The following PERP variants were observed in gnomAD, a reference collection of about 807,000 sequenced individuals.
The protein encoded by PERP is p53 apoptosis effector related to PMP22.
In PERP, 11 loss-of-function variants were observed where a neutral mutation model predicts 20.3. The observed-to-expected ratio is 0.54, with a 90% CI of 0.34 to 0.90. The LOEUF is 0.90. Ranked by LOEUF, PERP falls within the 40% of genes least tolerant of loss-of-function variation. PERP has a pLI of 0.02. For missense variants in PERP, 224 were observed against 249.4 expected, an observed-to-expected ratio of 0.90 and a Z score of 0.69; for synonymous variants, 101 against 102.0, an observed-to-expected ratio of 0.99 and a Z score of 0.06.
rs116217396 is a variant in PERP, at chr6:138,092,616, C to T, written c.356-348G>A. Among the ~76,000 whole-genome samples, 1,190 of 152,172 alleles carry T rather than the reference C, an allele frequency of 7.8e-3. 24 individuals carry two copies. The highest frequency in any genetic ancestry group is 0.026 in the African/African-American group (1,094 of 41,506). On this transcript the variant is annotated intron_variant, in intron 2 of 2. Coordinates refer to ENST00000421351, the MANE Select transcript of PERP (RefSeq NM_022121.5). ...TAGAAAGCAGGACAGTAAAGAACAA[C>T]CTATTTTTTTCATCTTTGTGTTTCC...
In PERP at chr6:138,091,553, T is replaced by G. The variant is rs561154810; in HGVS notation, c.*489A>C. The G allele has an allele frequency of 2.0e-5, 3 of 153,198 alleles. No individual in the cohort carries two copies. The highest frequency in any genetic ancestry group is 7.2e-5 in the African/African-American group (3 of 41,598). 9.5% of individuals were successfully genotyped at this position (153,198 alleles called of 1,614,324 possible). ...AGGAAATGATTTTGCTTTCCTTAAATAGTTCGAAGGCTTGAAAATAAACTT... is the reference window on the plus strand; with the variant it reads ...AGGAAATGATTTTGCTTTCCTTAAAGAGTTCGAAGGCTTGAAAATAAACTT... On this transcript the variant is annotated 3_prime_UTR_variant, in exon 3 of 3. Transcript: ENST00000421351.
rs1775532934 is a variant in PERP at position 138,088,850 on chromosome 6, C to G, written c.*3192G>C. 6.6e-6 allele frequency: 1 copy of G among 152,120 alleles called. No individual in the cohort carries two copies. The allele number at this position is 152,120 out of a possible 1,614,324, so 9.4% of individuals were successfully genotyped here. A position where few individuals can be genotyped will look rare whatever the true frequency, so the allele number is the denominator to read the frequency against. On this transcript the variant is annotated 3_prime_UTR_variant, in exon 3 of 3. Coordinates refer to ENST00000421351, the MANE Select transcript of PERP (RefSeq NM_022121.5). ...CTGCAGGAATTTTTAAATCTGAAAC[C>G]ACACTACAGAAATTATTTTATATAT...
chr6:138,096,644 T>A, intron 1 of PERP, 150 bp from the exon 2 acceptor site: 1 of 837,238 alleles, frequency 1.2e-6, no homozygotes, highest in Non-Finnish European at 1.8e-6. Context: ...TACTTGAGCA[T>A]CTCCATATTT....
rs1389101953 is a variant in PERP at position 138,091,970 on chromosome 6, G to T, written c.*72C>A. 4 of 1,426,676 alleles carry T rather than the reference G, an allele frequency of 2.8e-6. No individual in the cohort carries two copies. In the South Asian group the frequency reaches 4.0e-5, roughly 14 times the overall value. The allele number at this position is 1,426,676 out of a possible 1,614,324, so 88.4% of individuals were successfully genotyped here. Reference sequence around the variant, plus strand: ...ACTGCCAAAAAATGGGTTCAAAGTCGCCTGGAGAAACAGTTTCTTCTTCTG... The same window carrying T: ...ACTGCCAAAAAATGGGTTCAAAGTCTCCTGGAGAAACAGTTTCTTCTTCTG... On this transcript the variant is annotated 3_prime_UTR_variant, in exon 3 of 3. Coordinates refer to ENST00000421351, the MANE Select transcript of PERP (RefSeq NM_022121.5).
intron 2 of PERP, among the ~76,000 whole-genome samples, chr6:138,094,467 TC>T (rs1468165756): frequency 6.6e-6 from 1 of 152,214 alleles, no homozygotes; most frequent in Non-Finnish European, 1.5e-5. Flanking sequence ...TATCAAAATT[TC>T]ATTCCTTTTT....
chr6:138,098,284 C>G (rs907928506), intron 1 of PERP, among the ~76,000 whole-genome samples: 1 of 152,200 alleles, frequency 6.6e-6, no homozygotes. Context: ...TCACTTAATT[C>G]TAGGTTGTTT....
rs1222082952 is a variant in PERP, at chr6:138,088,759, C to G, written c.*3283G>C. ...CTGTATCCAGGCAAGCCAAGCTCACCTAAAAATGGTCTCAAAAAGCAAAGG... is the reference window on the plus strand; with the variant it reads ...CTGTATCCAGGCAAGCCAAGCTCACGTAAAAATGGTCTCAAAAAGCAAAGG... On this transcript the variant is annotated 3_prime_UTR_variant, in exon 3 of 3. Coordinates refer to ENST00000421351, the MANE Select transcript of PERP (RefSeq NM_022121.5). 2 of 152,176 alleles carry G rather than the reference C, an allele frequency of 1.3e-5. No homozygotes were observed. Among genetic ancestry groups the G allele is most frequent in the Non-Finnish European group, 2.9e-5 (2 of 68,044 alleles). 9.4% of individuals were successfully genotyped at this position (152,176 alleles called of 1,614,324 possible).
At chr6:138,095,550 C>T (rs962387729) in intron 2 of PERP, among the ~76,000 whole-genome samples, 1 of 152,142 alleles carries the variant, frequency 6.6e-6, no homozygotes, top group Non-Finnish European at 1.5e-5. Context: ...CTGCTTTGGT[C>T]CCATAAGCCT....
At chr6:138,102,291 A>C (rs1415243244) in intron 1 of PERP, among the ~76,000 whole-genome samples, 1 of 152,374 alleles carries the variant, frequency 6.6e-6, no homozygotes, top group Non-Finnish European at 1.5e-5. Flanking sequence ...GAAAACAGGA[A>C]AAGTCAATCT....
chr6:138,104,175 G>A (rs985206246), intron 1 of PERP, among the ~76,000 whole-genome samples: 1 of 152,144 alleles, frequency 6.6e-6, no homozygotes, highest in Non-Finnish European at 1.5e-5. Context: ...TGCCAGCGGT[G>A]CAAAACTAGT....
rs1370166107 is a variant in PERP at position 138,089,731 on chromosome 6, A to G, written c.*2311T>C. ...CTTGGTGAATCTGGATCAACAAGGA[A>G]TGGCAGATCTCTATACTAGAACAAG... On this transcript the variant is annotated 3_prime_UTR_variant, in exon 3 of 3. Transcript: ENST00000421351. The G allele has an allele frequency of 1.3e-5, 2 of 152,176 alleles. No homozygotes were observed. Among genetic ancestry groups the G allele is most frequent in the African/African-American group, 4.8e-5 (2 of 41,438 alleles). The allele number at this position is 152,176 out of a possible 1,614,324, so 9.4% of individuals were successfully genotyped here. A position where few individuals can be genotyped will look rare whatever the true frequency, so the allele number is the denominator to read the frequency against.
chr6:138,105,488 C>T (rs1192827559), intron 1 of PERP, among the ~76,000 whole-genome samples: 3 of 152,156 alleles, frequency 2.0e-5, no homozygotes, highest in Non-Finnish European at 2.9e-5. Context: ...GCTCATCCTG[C>T]AAGTCAAGAA....
At chr6:138,096,550 T>C in intron 1 of PERP, 56 bp from the exon 2 acceptor site, 1 of 1,547,630 alleles carries the variant, frequency 6.5e-7, no homozygotes, top group Non-Finnish European at 8.7e-7. Context: ...GTTTAAAAAT[T>C]ACTTATCACA....
At chr6:138,092,607 A>G (rs1043807183) in intron 2 of PERP, among the ~76,000 whole-genome samples, 1 of 152,250 alleles carries the variant, frequency 6.6e-6, no homozygotes, top group African/African-American at 2.4e-5. Context: ...GCAGGACAGT[A>G]AAGAACAACC....
chr6:138,096,396 G>A lies in PERP; in HGVS notation c.313C>T (p.Leu105Phe). The change falls in exon 2 of 3, where the codon CTT (leucine) becomes TTT (phenylalanine). Residue 105 changes from leucine to phenylalanine, a missense_variant. Leu to Phe is a conservative substitution (Grantham distance 22). Coordinates refer to ENST00000421351, the MANE Select transcript of PERP (RefSeq NM_022121.5). ...CCTCCAATCACTCTCAGGAAGACAAGCATCTGGGGTCCACAGAGGGCGAAG... is the reference window on the plus strand; with the variant it reads ...CCTCCAATCACTCTCAGGAAGACAAACATCTGGGGTCCACAGAGGGCGAAG... ...SFFALCGPQM[L>F]VFLRVIGGLL... is the part of the protein sequence containing the mutation. The A allele has an allele frequency of 6.2e-7, 1 of 1,614,092 alleles. No homozygotes were observed.
At chr6:138,100,911 C>G (rs904787889) in intron 1 of PERP, among the ~76,000 whole-genome samples, 1 of 152,168 alleles carries the variant, frequency 6.6e-6, no homozygotes, top group Non-Finnish European at 1.5e-5. Context: ...ATTTAACGAT[C>G]ACCAACAAAA....
intron 1 of PERP, among the ~76,000 whole-genome samples, chr6:138,105,150 C>T (rs1202027067): frequency 6.6e-6 from 1 of 152,194 alleles, no homozygotes; most frequent in Non-Finnish European, 1.5e-5. Context: ...TAATGCATTA[C>T]TGGCACTTAA....
At chr6:138,096,623 T>C in intron 1 of PERP, 129 bp from the exon 2 acceptor site, 1 of 1,014,394 alleles carries the variant, frequency 9.9e-7, no homozygotes, top group Non-Finnish European at 1.4e-6. Context: ...GGACAGTTTT[T>C]CTTTTGACAA....
chr6:138,107,106 G>A lies in PERP; in HGVS notation c.214+21C>T, dbSNP rs184604220. On this transcript the variant is annotated intron_variant, in intron 1 of 2. Coordinates refer to ENST00000421351, the MANE Select transcript of PERP (RefSeq NM_022121.5). The surrounding 1 kb of genome is among the most constrained non-coding windows in gnomAD (Gnocchi z 4.8). ...CGAGGGCTTCCTGGAGGCGGCGACG[G>A]CGGCGGCGGCGGGCACTCACCGTAC... 9.4e-4 allele frequency: 1,374 copies of A among 1,464,304 alleles called. No homozygotes were observed. Among genetic ancestry groups the A allele is most frequent in the Non-Finnish European group, 1.2e-3 (1,288 of 1,085,700 alleles). 90.7% of individuals were successfully genotyped at this position (1,464,304 alleles called of 1,614,324 possible).
Sources: gnomAD v4.1 joint callset for allele counts (sites outside exome capture counted in the v4.1 genomes callset) on GRCh38, gnomAD v4.1.1 for gene constraint, Gnocchi (gnomAD v3.1) non-coding constraint, MANE v1.5 for transcripts, NCBI Gene and HGNC (gene_info 2026-07-23, HGNC 2026-07-21) for gene names.